Variants in COL6A6 observed in about 807,000 individuals in gnomAD.
COL6A6 encodes collagen alpha-6(VI) chain.
Under a neutral mutation model 208.6 loss-of-function variants are expected in COL6A6, and 183 were observed. That is an observed-to-expected ratio of 0.88 (90% CI 0.78 to 0.99). The LOEUF (loss-of-function observed/expected upper bound fraction) is 0.99, where lower values mean the gene tolerates loss of function less well. Among genes scored for constraint, COL6A6 ranks in the 50% least tolerant of loss-of-function variants. The probability of loss-of-function intolerance (pLI) is 0.00; values close to 1 mark genes in which losing one functional copy is unlikely to be tolerated. For synonymous variants in COL6A6, 973 were observed against 1,011.8 expected (o/e 0.96, Z 0.73); for missense variants, 2,816 against 2,815.2 (o/e 1.00, Z -0.01).
chr3:130,644,170 T>A (rs1012353051), intron 31 of COL6A6, among the ~76,000 whole-genome samples: 2 of 152,236 alleles, frequency 1.3e-5, no homozygotes, highest in African/African-American at 4.8e-5. Flanking sequence ...AACTTTTGCA[T>A]ATTTTATTTT....
intron 18 of COL6A6, among the ~76,000 whole-genome samples, chr3:130,595,165 A>T (rs1175682268): frequency 6.6e-6 from 1 of 152,054 alleles, no homozygotes; most frequent in East Asian, 1.9e-4. Flanking sequence ...AACCCAGCTG[A>T]GTAGGCAGGA....
chr3:130,657,083 C>T (rs1258151826), intron 33 of COL6A6, among the ~76,000 whole-genome samples: 2 of 152,272 alleles, frequency 1.3e-5, no homozygotes, highest in Non-Finnish European at 2.9e-5. Context: ...TCCCAGCCCC[C>T]AAGAGCACAG....
chr3:130,649,544 G>T lies in COL6A6; in HGVS notation c.5715G>T (p.Ser1905=). 1.3e-6 allele frequency: 2 copies of T among 1,591,974 alleles called. No individual in the cohort carries two copies. Among genetic ancestry groups the T allele is most frequent in the Non-Finnish European group, 1.7e-6 (2 of 1,169,306 alleles). The change falls in exon 33 of 37, where the codon TCG becomes TCT. Residue 1905 remains serine (S), a synonymous_variant. Coordinates refer to ENST00000358511, the MANE Select transcript of COL6A6 (RefSeq NM_001102608.3). The part of the protein sequence containing the change: ...PVVITFSNVP[S]VRRAFAIDDT... ...TGATCACTTTCAGCAACGTGCCCTC[G>T]GTCAGGCGCGCATTTGCGGTATGAG...
intron 22 of COL6A6, among the ~76,000 whole-genome samples, chr3:130,609,710 C>T (rs2064296915): frequency 6.6e-6 from 1 of 152,010 alleles, no homozygotes; most frequent in African/African-American, 2.4e-5. Context: ...TTGGCATAGG[C>T]AGGACAATCA....
rs755030251 is a variant in COL6A6, at chr3:130,563,535, G to C, written c.532G>C (p.Ala178Pro). Residue 178 changes from alanine (A) to proline (P), a missense_variant, in exon 3 of 37, where the codon GCC becomes CCC. Transcript: ENST00000358511. ...TTCTGAGGAAAACCTGAAGGCCATGGCCACGTCTCAGTTTCATTTCAACCT... is the reference window on the plus strand; with the variant it reads ...TTCTGAGGAAAACCTGAAGGCCATGCCCACGTCTCAGTTTCATTTCAACCT... ...KASEENLKAM[A>P]TSQFHFNLRT... 3.8e-5 allele frequency: 61 copies of C among 1,613,860 alleles called. No homozygotes were observed. The highest frequency in any genetic ancestry group is 1.9e-5 in the Non-Finnish European group (22 of 1,179,896).
At chr3:130,586,098 G>A (rs1005482455) in intron 10 of COL6A6, among the ~76,000 whole-genome samples, 1 of 152,156 alleles carries the variant, frequency 6.6e-6, no homozygotes, top group African/African-American at 2.4e-5. Context: ...GGGACCACAG[G>A]CATATGCCAC....
intron 28 of COL6A6, among the ~76,000 whole-genome samples, chr3:130,640,873 T>C (rs1383080151): frequency 6.6e-6 from 1 of 151,304 alleles, no homozygotes; most frequent in African/African-American, 2.4e-5. Flanking sequence ...TTGCTTTTTG[T>C]TTTTTCAGTT....
Position 130,593,224 on chromosome 3 carries a change from A to G in COL6A6, c.4442A>G (p.Lys1481Arg), listed in dbSNP as rs371964580. 140 of 1,612,930 alleles carry G rather than the reference A, an allele frequency of 8.7e-5. 1 individual carries two copies. Among genetic ancestry groups the G allele is most frequent in the Non-Finnish European group, 1.2e-4 (138 of 1,179,062 alleles). Reference protein sequence around the residue: ...EQGDNGLPGRKGEKGDEGSQG... With the variant: ...EQGDNGLPGRRGEKGDEGSQG... ...GGTGATAATGGTCTTCCTGGAAGAA[A>G]AGGAGAAAAGGGAGATGAGGGATCT... The change falls in exon 17 of 37, where the codon AAA becomes AGA. Residue 1481 changes from lysine to arginine, a missense_variant. Physicochemically the swap from Lys to Arg is conservative, Grantham distance 26. Coordinates refer to ENST00000358511, the MANE Select transcript of COL6A6 (RefSeq NM_001102608.3).
At chr3:130,572,366 T>C (rs2063188501) in intron 7 of COL6A6, among the ~76,000 whole-genome samples, 1 of 152,222 alleles carries the variant, frequency 6.6e-6, no homozygotes, top group African/African-American at 2.4e-5. Flanking sequence ...CTACTTAGTT[T>C]CCTGAGTAAT....
At chr3:130,607,083 T>A (rs1231506688) in intron 21 of COL6A6, 117 bp downstream of exon 21, 2 of 727,254 alleles carry the variant, frequency 2.8e-6, no homozygotes, top group African/African-American at 1.8e-5. Context: ...GGTTATGGAA[T>A]AGAAAGCTGA....
intron 1 of COL6A6, among the ~76,000 whole-genome samples, chr3:130,531,054 A>AGTCTCT (rs879609597): frequency 6.0e-5 from 5 of 83,820 alleles, no homozygotes; most frequent in Admixed American, 5.3e-4. Context: ...ACACACACAC[A>AGTCTCT]CACACAGTCT....
intron 23 of COL6A6, among the ~76,000 whole-genome samples, chr3:130,611,699 T>C (rs373383887): frequency 6.6e-6 from 1 of 152,220 alleles, no homozygotes; most frequent in African/African-American, 2.4e-5. Flanking sequence ...CAGTCCAATA[T>C]GTAAGTGGTT....
intron 1 of COL6A6, among the ~76,000 whole-genome samples, chr3:130,525,571 G>A (rs1184797550): frequency 6.6e-6 from 1 of 152,044 alleles, no homozygotes; most frequent in Non-Finnish European, 1.5e-5. Context: ...AAAGTGATTG[G>A]TTCTTCCTCT....
chr3:130,592,993 T>G lies in COL6A6; in HGVS notation c.4372-68T>G. The G allele has an allele frequency of 5.0e-6, 7 of 1,412,968 alleles. No homozygotes were observed. The South Asian group carries it at 8.4e-5, about 17-fold the overall frequency. The allele number at this position is 1,412,968 out of a possible 1,614,324, so 87.5% of individuals were successfully genotyped here. A position where few individuals can be genotyped will look rare whatever the true frequency, so the allele number is the denominator to read the frequency against. ...ATGTGAAACACAAAAATAGAGTTTT[T>G]GTTTGGCATCTGACTTCTTTACACA... On this transcript the variant is annotated intron_variant, in intron 15 of 36. Transcript: ENST00000358511.
At chr3:130,590,981 T>C (rs958187190) in intron 12 of COL6A6, 60 bp from the exon 13 acceptor site, 22 of 1,287,380 alleles carry the variant, frequency 1.7e-5, no homozygotes, top group South Asian at 9.0e-5. Flanking sequence ...GAATTTGGTT[T>C]GGTTACCTCT....
chr3:130,644,699 C>CA (rs2065418368), intron 31 of COL6A6, among the ~76,000 whole-genome samples: 2 of 152,192 alleles, frequency 1.3e-5, no homozygotes, highest in African/African-American at 4.8e-5. Flanking sequence ...GCGCACCTCC[C>CA]TGCAATGTCA....
intron 15 of COL6A6, 146 bp downstream of exon 15, chr3:130,592,868 TCTC>T (rs2063753874): frequency 1.1e-6 from 1 of 904,224 alleles, no homozygotes; most frequent in Non-Finnish European, 1.7e-6. Flanking sequence ...TGTTTCTTCT[TCTC>T]TTTCATTATA....
At chr3:130,636,357 G>A (rs991327055) in intron 28 of COL6A6, among the ~76,000 whole-genome samples, 4 of 152,156 alleles carry the variant, frequency 2.6e-5, no homozygotes, top group African/African-American at 9.7e-5. Context: ...GGCTTGCCTT[G>A]GGTTCCTGTG....
Position 130,563,291 on chromosome 3 carries a change from G to A in COL6A6, c.288G>A (p.Lys96=), listed in dbSNP as rs1162866281. The change falls in exon 3 of 37, where the codon AAG becomes AAA. Residue 96 remains lysine, a synonymous_variant. Transcript: ENST00000358511. The part of the protein sequence containing the change: ...GRSPMLNHLR[K]NFGFIGGSLQ... ...GCCCCATGCTGAACCACCTAAGGAAGAACTTTGGATTCATTGGCGGGTCCC... is the reference window on the plus strand; with the variant it reads ...GCCCCATGCTGAACCACCTAAGGAAAAACTTTGGATTCATTGGCGGGTCCC... 6.2e-7 allele frequency: 1 copy of A among 1,614,000 alleles called. No individual in the cohort carries two copies. Among genetic ancestry groups the A allele is most frequent in the Non-Finnish European group, 8.5e-7 (1 of 1,179,876 alleles).
Sources: gnomAD v4.1 joint callset for allele counts (sites outside exome capture counted in the v4.1 genomes callset) on GRCh38, gnomAD v4.1.1 for gene constraint, MANE v1.5 for transcripts, NCBI Gene and HGNC (gene_info 2026-07-23, HGNC 2026-07-21) for gene names.